Variants in PALM3 observed in about 807,000 individuals in gnomAD.
PALM3 encodes the protein paralemmin-3.
A neutral mutation model predicts 27.9 loss-of-function variants in PALM3; 20 were observed. The ratio of observed to expected loss-of-function variants is 0.72; its 90% CI spans 0.50 to 1.04. The LOEUF is 1.04. Among genes scored for constraint, PALM3 ranks in the 50% least tolerant of loss-of-function variants. The pLI is 0.00. For synonymous variants in PALM3, 328 were observed against 352.7 expected, an observed-to-expected ratio of 0.93 and a Z score of 0.79; for missense variants, 814 against 869.4, an observed-to-expected ratio of 0.94 and a Z score of 0.80.
rs1310622367 is a variant in PALM3, at chr19:14,053,646, C to T, written c.2026G>A (p.Gly676Ser). ...SAPTEGEEAS[G>S]PKQKTCQCCA... The stretch of plus-strand genomic sequence containing the variant: ...CACTGGCACGTCTTTTGCTTAGGGC[C>T]ACTTGCCTCTTCACCCTCGGTGGGG... Residue 676 changes from glycine to serine, a missense_variant, in exon 7 of 7, where the codon GGC (glycine) becomes AGC (serine). By Grantham distance (56) the Gly-to-Ser change is moderately conservative. Coordinates refer to ENST00000669674, the MANE Select transcript of PALM3 (RefSeq NM_001145028.2). 4.1e-6 allele frequency: 6 copies of T among 1,466,816 alleles called. No individual in the cohort carries two copies. Among genetic ancestry groups the T allele is most frequent in the Non-Finnish European group, 5.4e-6 (6 of 1,109,666 alleles). The allele number at this position is 1,466,816 out of a possible 1,614,324, so 90.9% of individuals were successfully genotyped here.
At position 14,053,558 on chromosome 19, in the gene PALM3, C is replaced by G; in HGVS notation, c.*47G>C. 7.0e-7 allele frequency: 1 copy of G among 1,433,640 alleles called. No homozygotes were observed. The highest frequency in any genetic ancestry group is 9.2e-7 in the Non-Finnish European group (1 of 1,092,566). 88.8% of individuals were successfully genotyped at this position (1,433,640 alleles called of 1,614,324 possible). ...GACCCTCTTCTGGGTGCCAAGAGGC[C>G]GAGGTAGCTGTGAGAGGAGCTGGAC... On this transcript the variant is annotated 3_prime_UTR_variant, in exon 7 of 7. Coordinates refer to ENST00000669674, the MANE Select transcript of PALM3 (RefSeq NM_001145028.2).
intron 5 of PALM3, 130 bp from the exon 6 acceptor site, chr19:14,055,555 C>T: frequency 1.2e-6 from 1 of 844,348 alleles, no homozygotes; most frequent in Non-Finnish European, 1.9e-6. Context: ...GATCAAACTC[C>T]ACATTGTACC....
intron 5 of PALM3, among the ~76,000 whole-genome samples, chr19:14,055,891 C>T (rs1449651393): frequency 6.6e-6 from 1 of 152,112 alleles, no homozygotes; most frequent in African/African-American, 2.4e-5. Flanking sequence ...GCTGGGACTA[C>T]AGGCACCTGC....
rs1976313769 is a variant in PALM3 at position 14,056,808 on chromosome 19, G to C, written c.172-4C>G. On this transcript the variant is annotated splice_region_variant and splice_polypyrimidine_tract_variant and intron_variant, in intron 3 of 6. Coordinates refer to ENST00000669674, the MANE Select transcript of PALM3 (RefSeq NM_001145028.2). The stretch of plus-strand genomic sequence containing the variant: ...AACGTTCCCGGAGAGACTTCCTCTG[G>C]GCAGGGGAAGGGAGTTGGGGCTGGG... 1.9e-6 allele frequency: 3 copies of C among 1,543,384 alleles called. No individual in the cohort carries two copies. Among genetic ancestry groups the C allele is most frequent in the Non-Finnish European group, 2.6e-6 (3 of 1,142,948 alleles).
At chr19:14,061,915 C>A (rs2081002870) in intron 1 of PALM3, 25 bp downstream of exon 1, 17 of 983,422 alleles carry the variant, frequency 1.7e-5, no homozygotes, top group Middle Eastern at 5.2e-4. Flanking sequence ...TGCCCACCAG[C>A]CCCCCTGACC....
intron 1 of PALM3, among the ~76,000 whole-genome samples, chr19:14,060,925 T>TA (rs1976404061): frequency 6.6e-6 from 1 of 152,102 alleles, no homozygotes; most frequent in Non-Finnish European, 1.5e-5. Flanking sequence ...CAAGCCCGGC[T>TA]AATTTTTGTA....
In PALM3 at chr19:14,061,987, C is replaced by T. The variant is rs1471148232; in HGVS notation, c.-7G>A. On this transcript the variant is annotated 5_prime_UTR_variant, in exon 1 of 7. Transcript: ENST00000669674. Reference sequence around the variant, plus strand: ...CCTGGCTCTGCAGGGCCATCTCTGCCCAGAAGTTCACTTTCTGGTCTCCGA... The same window carrying T: ...CCTGGCTCTGCAGGGCCATCTCTGCTCAGAAGTTCACTTTCTGGTCTCCGA... The T allele has an allele frequency of 1.0e-6, 1 of 985,244 alleles. No homozygotes were observed. The highest frequency in any genetic ancestry group is 1.2e-6 in the Non-Finnish European group (1 of 829,898). The allele number at this position is 985,244 out of a possible 1,614,324, so 61.0% of individuals were successfully genotyped here. A position where few individuals can be genotyped will look rare whatever the true frequency, so the allele number is the denominator to read the frequency against.
At chr19:14,056,249 G>T (rs940692733) in intron 5 of PALM3, among the ~76,000 whole-genome samples, 180 bp downstream of exon 5, 2 of 152,202 alleles carry the variant, frequency 1.3e-5, no homozygotes, top group Non-Finnish European at 1.5e-5. Flanking sequence ...GGAAAACTAA[G>T]GCTTGGAAAA....
rs1442539057 is a variant in PALM3 at position 14,057,354 on chromosome 19, GA to G, written c.167del (p.Leu56ProfsTer11). ...VEEEKLRVER[L>X]KRKSLRERWL... ...GGCGCCCCCGCCCGCCCCCAACCTT[GA>G]GACGCTCCACGCGGAGTTTCTCCTC... On this transcript the variant is annotated frameshift_variant, in exon 3 of 7. Coordinates refer to ENST00000669674, the MANE Select transcript of PALM3 (RefSeq NM_001145028.2). LOFTEE classifies it high-confidence loss of function. 1 of 1,542,722 alleles carries G rather than the reference GA, an allele frequency of 6.5e-7. No individual in the cohort carries two copies. Among genetic ancestry groups the G allele is most frequent in the African/African-American group, 1.4e-5 (1 of 72,372 alleles).
Position 14,056,453 on chromosome 19 carries a change from T to G in PALM3, c.375A>C (p.Ser125=). 6.4e-7 allele frequency: 1 copy of G among 1,551,598 alleles called. No homozygotes were observed. Among genetic ancestry groups the G allele is most frequent in the Non-Finnish European group, 8.7e-7 (1 of 1,146,928 alleles). ...SASTGAQHKP[S]GRPSWRRQGH... is the part of the protein sequence containing the mutation. ...CCTGTCTGCGCCAGCTGGGCCTGCC[T>G]GAGGGCTTGTGCTGGGCACCTGTGG... The change falls in exon 5 of 7, where the codon TCA becomes TCC. Residue 125 remains serine (S), a synonymous_variant. Transcript: ENST00000669674.
rs1976420757 is a variant in PALM3, at chr19:14,061,966, G to C, written c.15C>G (p.Ser5Arg). Residue 5 changes from serine (S) to arginine (R), a missense_variant, in exon 1 of 7, where the codon AGC becomes AGG. Ser to Arg is a moderately radical substitution (Grantham distance 110). Coordinates refer to ENST00000669674, the MANE Select transcript of PALM3 (RefSeq NM_001145028.2). The stretch of plus-strand genomic sequence containing the variant: ...TGGGTGTGGCCAGAGACCACACCTG[G>C]CTCTGCAGGGCCATCTCTGCCCAGA... Reference protein sequence around the residue: MALQSQVWSLATPMP... With the variant: MALQRQVWSLATPMP... 4 of 985,210 alleles carry C rather than the reference G, an allele frequency of 4.1e-6. No individual in the cohort carries two copies. In the South Asian group the frequency reaches 1.4e-4, roughly 35 times the overall value. 61.0% of individuals were successfully genotyped at this position (985,210 alleles called of 1,614,324 possible).
Position 14,054,691 on chromosome 19 carries a change from T to C in PALM3, c.981A>G (p.Ala327=). The C allele has an allele frequency of 6.4e-7, 1 of 1,551,554 alleles. No homozygotes were observed. The highest frequency in any genetic ancestry group is 8.7e-7 in the Non-Finnish European group (1 of 1,146,912). Residue 327 remains alanine (A), a synonymous_variant, in exon 7 of 7, where the codon GCA becomes GCG. Coordinates refer to ENST00000669674, the MANE Select transcript of PALM3 (RefSeq NM_001145028.2). ...SSPRLQERLE[A]AASIEGEDVP... is the part of the protein sequence containing the mutation. ...CATCTTCCCCTTCTATGGAAGCTGCTGCCTCTAATCTCTCCTGGAGCCTAG... is the reference window on the plus strand; with the variant it reads ...CATCTTCCCCTTCTATGGAAGCTGCCGCCTCTAATCTCTCCTGGAGCCTAG...
In PALM3 at chr19:14,054,482, G is replaced by A. The variant is rs768031831; in HGVS notation, c.1190C>T (p.Ala397Val). 4.6e-5 allele frequency: 71 copies of A among 1,550,532 alleles called. No homozygotes were observed. Among genetic ancestry groups the A allele is most frequent in the Non-Finnish European group, 6.1e-5 (70 of 1,146,670 alleles). Reference protein sequence around the residue: ...GDESPLGAEGAKTGGGEETWE... With the variant: ...GDESPLGAEGVKTGGGEETWE... ...GGTCTCCTCGCCTCCTCCCGTCTTG[G>A]CCCCCTCGGCCCCCAGCGGGCTTTC... is the stretch of plus-strand genomic sequence containing the variant. Residue 397 changes from alanine (A) to valine (V), a missense_variant, in exon 7 of 7, where the codon GCC (alanine) becomes GTC (valine). Ala to Val is a moderately conservative substitution (Grantham distance 64). Coordinates refer to ENST00000669674, the MANE Select transcript of PALM3 (RefSeq NM_001145028.2).
rs565307984 is a variant in PALM3, at chr19:14,053,597, G to C, written c.*8C>G. 181 of 1,450,784 alleles carry C rather than the reference G, an allele frequency of 1.2e-4. No individual in the cohort carries two copies. In the East Asian group the frequency reaches 2.9e-3, roughly 24 times the overall value. 89.9% of individuals were successfully genotyped at this position (1,450,784 alleles called of 1,614,324 possible). A position where few individuals can be genotyped will look rare whatever the true frequency, so the allele number is the denominator to read the frequency against. ...GAGGAGCTGGACATGGGGTGGAGGGGCATGGGTTCACATGACCGCACAACA... is the reference window on the plus strand; with the variant it reads ...GAGGAGCTGGACATGGGGTGGAGGGCCATGGGTTCACATGACCGCACAACA... On this transcript the variant is annotated 3_prime_UTR_variant, in exon 7 of 7. Transcript: ENST00000669674.
At chr19:14,058,161 G>A (rs1335702974) in intron 2 of PALM3, among the ~76,000 whole-genome samples, 2 of 151,882 alleles carry the variant, frequency 1.3e-5, no homozygotes, top group South Asian at 2.1e-4. Flanking sequence ...CCGAAATGGG[G>A]ATGCAGCCAT....
chr19:14,054,554 A>G lies in PALM3; in HGVS notation c.1118T>C (p.Val373Ala), dbSNP rs367721256. 161 of 1,549,960 alleles carry G rather than the reference A, an allele frequency of 1.0e-4. No individual in the cohort carries two copies. The highest frequency in any genetic ancestry group is 1.3e-4 in the Non-Finnish European group (148 of 1,146,556). Reference sequence around the variant, plus strand: ...CACCTCGGGCCCTTCCAACCCCTCCACCAGCAGCTCCTCCCACTCTTCACT... The same window carrying G: ...CACCTCGGGCCCTTCCAACCCCTCCGCCAGCAGCTCCTCCCACTCTTCACT... Reference protein sequence around the residue: ...TLSEEWEELLVEGLEGPEVAG... With the variant: ...TLSEEWEELLAEGLEGPEVAG... The change falls in exon 7 of 7, where the codon GTG (valine) becomes GCG (alanine). Residue 373 changes from valine to alanine, a missense_variant. Transcript: ENST00000669674.
In PALM3 at chr19:14,054,118, T is replaced by A. The variant is rs1568506126; in HGVS notation, c.1554A>T (p.Pro518=). ...CCCCTCCCTTTCTCTCTGCCTCCAG[T>A]GGTTCTTTGGTTGCCTCTGGCTCTT... The part of the protein sequence containing the change: ...GEEEPEATKE[P]LEAERKGGEE... The change falls in exon 7 of 7, where the codon CCA becomes CCT. Residue 518 remains proline, a synonymous_variant. Transcript: ENST00000669674. The A allele has an allele frequency of 6.4e-7, 1 of 1,551,764 alleles. No homozygotes were observed. Among genetic ancestry groups the A allele is most frequent in the Non-Finnish European group, 8.7e-7 (1 of 1,146,984 alleles).
intron 3 of PALM3, 30 bp downstream of exon 3, chr19:14,057,321 G>T (rs1424630237): frequency 6.6e-7 from 1 of 1,511,218 alleles, no homozygotes; most frequent in Non-Finnish European, 8.9e-7. Context: ...CATTCCCCAG[G>T]CTAGGCAGGC....
At chr19:14,060,763 T>A (rs1305289768) in intron 1 of PALM3, among the ~76,000 whole-genome samples, 1 of 152,072 alleles carries the variant, frequency 6.6e-6, no homozygotes, top group African/African-American at 2.4e-5. Flanking sequence ...ATTGAAGTCA[T>A]GCTCTTTCTT....
Sources: allele counts gnomAD v4.1 joint callset (sites outside exome capture counted in the v4.1 genomes callset), GRCh38; gene constraint gnomAD v4.1.1; transcripts MANE v1.5; gene names NCBI Gene and HGNC (gene_info 2026-07-23, HGNC 2026-07-21).